The following DYNAP variants were observed in gnomAD, a reference collection of about 807,000 sequenced individuals.
The protein encoded by DYNAP is dynactin associated protein, also known as dynactin-associated protein.
DYNAP carries 7 observed loss-of-function variants against 8.5 expected under a neutral mutation model. The ratio of observed to expected loss-of-function variants is 0.82; its 90% CI spans 0.47 to 1.54. DYNAP has a LOEUF of 1.54. Among genes scored for constraint, DYNAP ranks in the 40% most tolerant of loss-of-function variants. The pLI is 0.01. For synonymous variants in DYNAP, 77 were observed against 77.9 expected (o/e 0.99, Z 0.06); for missense variants, 256 against 224.3 (o/e 1.14, Z -0.90).
At chr18:54,586,211 C>G (rs771580882), upstream of DYNAP, among the ~76,000 whole-genome samples, 1 of 152,168 alleles carries the variant, frequency 6.6e-6, no homozygotes, top group Non-Finnish European at 1.5e-5. Flanking sequence ...TTTTTGTGTT[C>G]ATCCCTGAAA....
intron 2 of DYNAP, among the ~76,000 whole-genome samples, chr18:54,595,648 T>C (rs1911257965): frequency 6.6e-6 from 1 of 152,148 alleles, no homozygotes; most frequent in Non-Finnish European, 1.5e-5. Context: ...TCCACTAGCT[T>C]TGGAGACCAG....
upstream of DYNAP, among the ~76,000 whole-genome samples, chr18:54,586,312 C>T (rs1345319047): frequency 2.0e-5 from 3 of 152,136 alleles, no homozygotes; most frequent in East Asian, 3.9e-4. Flanking sequence ...ATTGCCGATC[C>T]TCATACTCTG....
chr18:54,582,009 G>A, the DYNAP span, among the ~76,000 whole-genome samples: 2 of 152,070 alleles, frequency 1.3e-5, no homozygotes, highest in Admixed American at 6.6e-5. Flanking sequence ...TGATCCGGCC[G>A]GGCGCGATGG....
upstream of DYNAP, among the ~76,000 whole-genome samples, chr18:54,590,363 AT>A (rs545914685): frequency 3.9e-5 from 6 of 151,962 alleles, no homozygotes; most frequent in East Asian, 1.9e-4. Context: ...CTTTAGAACA[AT>A]TTTTTTTCCC....
rs754230104 is a variant in DYNAP at position 54,597,928 on chromosome 18, A to C, written c.338A>C (p.Lys113Thr). The C allele has an allele frequency of 6.2e-7, 1 of 1,613,626 alleles. No homozygotes were observed. Among genetic ancestry groups the C allele is most frequent in the South Asian group, 1.1e-5 (1 of 91,066 alleles). The change falls in exon 3 of 3, where the codon AAA becomes ACA. Residue 113 changes from lysine (K) to threonine (T), a missense_variant. Transcript: ENST00000648945. ...GVLIICLVNN[K>T]GSANSSIVIQ... ...CTTATAATATGCTTGGTGAATAACA[A>C]AGGATCGGCCAATTCCTCCATTGTT...
Position 54,594,939 on chromosome 18 carries a change from C to A in DYNAP, c.58C>A (p.Pro20Thr). 6.2e-7 allele frequency: 1 copy of A among 1,608,848 alleles called. No homozygotes were observed. Among genetic ancestry groups the A allele is most frequent in the East Asian group, 2.2e-5 (1 of 44,700 alleles). Residue 20 changes from proline (P) to threonine (T), a missense_variant and splice_region_variant, in exon 2 of 3, where the codon CCA becomes ACA. Pro to Thr is a conservative substitution (Grantham distance 38). Transcript: ENST00000648945. ...LNVEHSENQPPITHPNDQEAH... is the reference protein window; with the variant it reads ...LNVEHSENQPTITHPNDQEAH... ...ACTCACTTCCACTCTGCCTTTGTAG[C>A]CAATCACACATCCAAATGACCAAGA...
In DYNAP at chr18:54,595,059, C is replaced by T. The variant is rs757753272; in HGVS notation, c.178C>T (p.Leu60Phe). The change falls in exon 2 of 3, where the codon CTT (leucine) becomes TTT (phenylalanine). Residue 60 changes from leucine to phenylalanine, a missense_variant. Physicochemically the swap from Leu to Phe is conservative, Grantham distance 22. Coordinates refer to ENST00000648945, the MANE Select transcript of DYNAP (RefSeq NM_173629.3). ...TGGGGTCTGCGTGAACCCAGGAATC[C>T]TTGCACATTCAAGATGTCTACAGTC... ...LTGVCVNPGI[L>F]AHSRCLQSES... 159 of 1,612,548 alleles carry T rather than the reference C, an allele frequency of 9.9e-5. No individual in the cohort carries two copies. Among genetic ancestry groups the T allele is most frequent in the African/African-American group, 1.2e-4 (9 of 74,938 alleles).
chr18:54,593,401 G>C (rs1433462303), intron 1 of DYNAP, among the ~76,000 whole-genome samples: 1 of 152,114 alleles, frequency 6.6e-6, no homozygotes, highest in African/African-American at 2.4e-5. Flanking sequence ...TAACAAGAAT[G>C]ATAGTTAACA....
At chr18:54,584,796 T>A (rs1395271832), upstream of DYNAP, among the ~76,000 whole-genome samples, 4 of 152,300 alleles carry the variant, frequency 2.6e-5, no homozygotes, top group East Asian at 7.7e-4. Context: ...GCCATGGGAA[T>A]GTGGCTATTT....
chr18:54,595,221 A>C, intron 2 of DYNAP, 118 bp downstream of exon 2: 1 of 1,191,962 alleles, frequency 8.4e-7, no homozygotes, highest in South Asian at 2.0e-5. Context: ...TATTTGTATT[A>C]AGCATTTGCT....
In DYNAP at chr18:54,591,297, T is replaced by C; in HGVS notation, c.15T>C (p.His5=). Residue 5 remains histidine, a synonymous_variant, in exon 1 of 3, where the codon CAT becomes CAC. Transcript: ENST00000648945. MDRK[H]GKYILNVEHS... is the part of the protein sequence containing the mutation. The stretch of plus-strand genomic sequence containing the variant: ...GCAGCTCAAGAATGGACAGAAAGCA[T>C]GGAAAATACATATTGAACGTTGAGC... 1 of 1,612,590 alleles carries C rather than the reference T, an allele frequency of 6.2e-7. No homozygotes were observed. The highest frequency in any genetic ancestry group is 8.5e-7 in the Non-Finnish European group (1 of 1,179,108).
intron 1 of DYNAP, among the ~76,000 whole-genome samples, chr18:54,592,725 T>C (rs1463287495): frequency 2.6e-5 from 4 of 152,296 alleles, no homozygotes; most frequent in African/African-American, 9.6e-5. Flanking sequence ...CAGTTTTGAA[T>C]AGAGACTCCA....
At chr18:54,591,465 A>G in intron 1 of DYNAP, 126 bp downstream of exon 1, 3 of 1,112,380 alleles carry the variant, frequency 2.7e-6, no homozygotes, top group Non-Finnish European at 3.7e-6. Context: ...TCTCCAAAAT[A>G]AAGAGCAACC....
At chr18:54,594,078 T>A (rs1007426934) in intron 1 of DYNAP, among the ~76,000 whole-genome samples, 7 of 152,174 alleles carry the variant, frequency 4.6e-5, no homozygotes, top group Non-Finnish European at 7.4e-5. Flanking sequence ...CCAACTCAGT[T>A]GTTTTCAATC....
At chr18:54,595,173 C>A (rs1038354746) in intron 2 of DYNAP, 70 bp downstream of exon 2, 1 of 1,427,576 alleles carries the variant, frequency 7.0e-7, no homozygotes, top group South Asian at 1.7e-5. Context: ...TTTGCCTATT[C>A]TTTCCCAAGA....
rs1201023584 is a variant in DYNAP at position 54,597,872 on chromosome 18, A to G, written c.282A>G (p.Leu94=). 1 of 1,613,460 alleles carries G rather than the reference A, an allele frequency of 6.2e-7. No individual in the cohort carries two copies. The highest frequency in any genetic ancestry group is 1.3e-5 in the African/African-American group (1 of 74,890). Residue 94 remains leucine, a synonymous_variant, in exon 3 of 3, where the codon TTA becomes TTG. Coordinates refer to ENST00000648945, the MANE Select transcript of DYNAP (RefSeq NM_173629.3). Reference sequence around the variant, plus strand: ...GGAAAGTCTTCCTGGCTTGTCTCTTAGCCTGTGTGATAATGACAGCAATTG... The same window carrying G: ...GGAAAGTCTTCCTGGCTTGTCTCTTGGCCTGTGTGATAATGACAGCAATTG... ...SMWKVFLACL[L]ACVIMTAIGV... is the part of the protein sequence containing the mutation.
At chr18:54,589,497 A>G (rs1396285349), upstream of DYNAP, among the ~76,000 whole-genome samples, 1 of 152,194 alleles carries the variant, frequency 6.6e-6, no homozygotes, top group African/African-American at 2.4e-5. Context: ...TGACTTTCAC[A>G]TGGTATATTT....
Position 54,592,418 on chromosome 18 carries a change from TTATTA to T in DYNAP, c.57+1086_57+1090del, listed in dbSNP as rs565747239. 2.4e-4 allele frequency among the ~76,000 whole-genome samples: 36 copies of T among 152,264 alleles called. 1 individual carries two copies. The highest frequency in any genetic ancestry group is 3.4e-3 in the Middle Eastern group (1 of 294). On this transcript the variant is annotated intron_variant, in intron 1 of 2. Coordinates refer to ENST00000648945, the MANE Select transcript of DYNAP (RefSeq NM_173629.3). ...TGGATAGCTGACTAAATATTTTACT[TTATTA>T]TATTATTCAGGCATAGATATAACTA...
rs777720086 is a variant in DYNAP, at chr18:54,594,966, G to T, written c.85G>T (p.Ala29Ser). 3.1e-6 allele frequency: 5 copies of T among 1,611,264 alleles called. No homozygotes were observed. The African/African-American group carries it at 6.7e-5, about 22-fold the overall frequency. ...PPITHPNDQE[A>S]HSSICWCLPS... ...AATCACACATCCAAATGACCAAGAG[G>T]CTCACAGTTCCATATGCTGGTGTCT... The change falls in exon 2 of 3, where the codon GCT becomes TCT. Residue 29 changes from alanine (A) to serine (S), a missense_variant. Ala to Ser is a moderately conservative substitution (Grantham distance 99, BLOSUM62 1). Coordinates refer to ENST00000648945, the MANE Select transcript of DYNAP (RefSeq NM_173629.3).
Sources: allele counts gnomAD v4.1 joint callset (sites outside exome capture counted in the v4.1 genomes callset), GRCh38; gene constraint gnomAD v4.1.1; transcripts MANE v1.5; gene names NCBI Gene and HGNC (gene_info 2026-07-23, HGNC 2026-07-21).